CAB39L: variants seen among roughly 807,000 people sequenced by gnomAD.
The protein encoded by CAB39L is calcium binding protein 39 like, also known as calcium-binding protein 39-like.
Under a neutral mutation model 39.1 loss-of-function variants are expected in CAB39L, and 23 were observed. The observed-to-expected ratio is 0.59, with a 90% confidence interval of 0.42 to 0.83. The LOEUF (loss-of-function observed/expected upper bound fraction) is 0.83, where lower values mean the gene tolerates loss of function less well. Ranked by LOEUF, CAB39L falls within the 40% of genes least tolerant of loss-of-function variation. The pLI is 0.00. For missense variants in CAB39L, 366 were observed against 391.9 expected (o/e 0.93, Z 0.56); for synonymous variants, 126 against 137.2 (o/e 0.92, Z 0.57).
chr13:49,320,412 C>T (rs1053960353), intron 10 of CAB39L, among the ~76,000 whole-genome samples: 2 of 152,108 alleles, frequency 1.3e-5, no homozygotes, highest in Non-Finnish European at 2.9e-5. Flanking sequence ...AGTTCTCAGG[C>T]GTGGTGAGAG....
At chr13:49,376,444 G>T (rs1956061679) in intron 5 of CAB39L, among the ~76,000 whole-genome samples, 1 of 152,110 alleles carries the variant, frequency 6.6e-6, no homozygotes, top group Non-Finnish European at 1.5e-5. Context: ...AGGTAAATTA[G>T]GTATAATTGC....
At chr13:49,421,243 T>G (rs763709584) in intron 3 of CAB39L, among the ~76,000 whole-genome samples, 1 of 151,710 alleles carries the variant, frequency 6.6e-6, no homozygotes, top group East Asian at 1.9e-4. Flanking sequence ...CAAAGGAACA[T>G]GAAAGGGGCA....
chr13:49,433,707 A>G (rs968741905), intron 2 of CAB39L, among the ~76,000 whole-genome samples: 3 of 152,234 alleles, frequency 2.0e-5, no homozygotes, highest in Non-Finnish European at 4.4e-5. Flanking sequence ...TTCAAAAGGA[A>G]GAAACACAAT....
chr13:49,400,752 T>C (rs1956752327), intron 3 of CAB39L, among the ~76,000 whole-genome samples: 2 of 144,704 alleles, frequency 1.4e-5, no homozygotes, highest in South Asian at 2.1e-4. Context: ...TAATTCAAAA[T>C]TTACTAACAA....
rs1957602537 is a variant in CAB39L at position 49,444,060 on chromosome 13, AGT to A, written c.-322_-321del. 1 of 451,958 alleles carries A rather than the reference AGT, an allele frequency of 2.2e-6. No individual in the cohort carries two copies. The highest frequency in any genetic ancestry group is 2.4e-5 in the Admixed American group (1 of 41,642). 28.0% of individuals were successfully genotyped at this position (451,958 alleles called of 1,614,324 possible). On this transcript the variant is annotated 5_prime_UTR_variant, in exon 1 of 11. Coordinates refer to ENST00000409308, the MANE Select transcript of CAB39L (RefSeq NM_001079670.3). ...CGAGTAACTCCATTGGCTCAGCTAC[AGT>A]GCGCGAGACAAGCCGAGAGCGCTAG...
At position 49,309,178 on chromosome 13, in the gene CAB39L, A is replaced by G. The variant is rs9535196; in HGVS notation, c.*1636T>C. On this transcript the variant is annotated 3_prime_UTR_variant, in exon 11 of 11. Transcript: ENST00000409308. The stretch of plus-strand genomic sequence containing the variant: ...AATCTGACGTCAGTGACTAAAGAGT[A>G]CGGGTCATCAGGCTGCCGGCCGGCC... 1 allele frequency: 151,647 copies of G among 152,384 alleles called. 75,465 individuals carry two copies. Among genetic ancestry groups the G allele is most frequent in the Middle Eastern group, 1 (294 of 294 alleles). The allele number at this position is 152,384 out of a possible 1,614,324, so 9.4% of individuals were successfully genotyped here. A position where few individuals can be genotyped will look rare whatever the true frequency, so the allele number is the denominator to read the frequency against.
intron 3 of CAB39L, among the ~76,000 whole-genome samples, chr13:49,400,443 A>AACACACAC (rs60080189): frequency 1.2e-4 from 17 of 138,624 alleles, no homozygotes; most frequent in African/African-American, 4.5e-4. Flanking sequence ...TACAAACACA[A>AACACACAC]ACACACACAC....
chr13:49,443,883 T>C (rs1205575925), intron 1 of CAB39L, 103 bp downstream of exon 1: 3 of 455,920 alleles, frequency 6.6e-6, no homozygotes, highest in African/African-American at 2.0e-5. Flanking sequence ...CTTTACCCCA[T>C]TGTTCTCTCC....
intron 1 of CAB39L, among the ~76,000 whole-genome samples, chr13:49,437,574 A>G (rs1214122398): frequency 6.6e-6 from 1 of 152,090 alleles, no homozygotes; most frequent in Non-Finnish European, 1.5e-5. Context: ...TGCTACCCCT[A>G]GGTCCTGCAA....
intron 8 of CAB39L, 64 bp downstream of exon 8, chr13:49,344,115 C>T: frequency 2.1e-6 from 2 of 946,346 alleles, no homozygotes; most frequent in African/African-American, 1.6e-5. Context: ...GGGGCAATTG[C>T]TCATAGATCT....
chr13:49,419,027 G>A (rs950163666), intron 3 of CAB39L, among the ~76,000 whole-genome samples: 2 of 152,108 alleles, frequency 1.3e-5, no homozygotes, highest in Non-Finnish European at 2.9e-5. Flanking sequence ...GGGTGCAGTG[G>A]TGCGATCTCG....
At chr13:49,435,064 G>A (rs763605975) in intron 1 of CAB39L, among the ~76,000 whole-genome samples, 11 of 152,108 alleles carry the variant, frequency 7.2e-5, no homozygotes, top group Non-Finnish European at 1.5e-4. Context: ...TTCCTTCTGC[G>A]GATACATTGC....
intron 7 of CAB39L, among the ~76,000 whole-genome samples, chr13:49,347,984 CT>C: frequency 6.6e-6 from 1 of 152,088 alleles, no homozygotes; most frequent in Non-Finnish European, 1.5e-5. Context: ...CCTTCCCCTT[CT>C]TTTCCTTGCC....
At chr13:49,430,497 G>A (rs1451206935) in intron 3 of CAB39L, among the ~76,000 whole-genome samples, 1 of 152,126 alleles carries the variant, frequency 6.6e-6, no homozygotes, top group Non-Finnish European at 1.5e-5. Context: ...GGCGTATAGG[G>A]CAGGGAAAAA....
At chr13:49,319,574 A>G (rs1026385136) in intron 10 of CAB39L, among the ~76,000 whole-genome samples, 2 of 151,998 alleles carry the variant, frequency 1.3e-5, no homozygotes, top group African/African-American at 4.8e-5. Context: ...TGTACACTTT[A>G]AAATGGTTAA....
At chr13:49,422,158 C>T (rs969851950) in intron 3 of CAB39L, among the ~76,000 whole-genome samples, 3 of 152,148 alleles carry the variant, frequency 2.0e-5, no homozygotes, top group Admixed American at 6.5e-5. Context: ...GATTAACACT[C>T]CACTGACATT....
intron 3 of CAB39L, among the ~76,000 whole-genome samples, chr13:49,406,333 ATT>A (rs34078174): frequency 5.5e-5 from 5 of 90,610 alleles, no homozygotes; most frequent in South Asian, 3.3e-4. Flanking sequence ...ATGCCCAGCT[ATT>A]TTTTTTTTTT....
intron 5 of CAB39L, among the ~76,000 whole-genome samples, chr13:49,372,268 T>C (rs772359940): frequency 2.0e-5 from 3 of 152,226 alleles, no homozygotes; most frequent in Non-Finnish European, 4.4e-5. Flanking sequence ...GGTTCTTTTC[T>C]GTCTGCAATT....
In CAB39L at chr13:49,359,747, G is replaced by A. The variant is rs762469864; in HGVS notation, c.362C>T (p.Ala121Val). 2 of 1,608,492 alleles carry A rather than the reference G, an allele frequency of 1.2e-6. No homozygotes were observed. The highest frequency in any genetic ancestry group is 2.2e-5 in the South Asian group (2 of 90,836). Residue 121 changes from alanine (A) to valine (V), a missense_variant, in exon 6 of 11, where the codon GCT becomes GTT. Transcript: ENST00000409308. Reference protein sequence around the residue: ...TRSPTVEYISAHPHILFMLLK... With the variant: ...TRSPTVEYISVHPHILFMLLK... ...GAGCATAAACAGGATATGAGGATGA[G>A]CACTAATATACTCCACAGTAGGACT...
Sources: allele counts gnomAD v4.1 joint callset (sites outside exome capture counted in the v4.1 genomes callset), GRCh38; gene constraint gnomAD v4.1.1; transcripts MANE v1.5; gene names NCBI Gene and HGNC (gene_info 2026-07-23, HGNC 2026-07-21).